TOPAZ1: variants seen among roughly 807,000 people sequenced by gnomAD.
TOPAZ1 encodes testis and ovary specific TOPAZ 1.
A neutral mutation model predicts 172.2 loss-of-function variants in TOPAZ1; 66 were observed. The observed-to-expected ratio is 0.38, with a 90% CI of 0.31 to 0.47. The LOEUF (loss-of-function observed/expected upper bound fraction) is 0.47, where lower values mean the gene tolerates loss of function less well. Ranked by LOEUF, TOPAZ1 falls within the 20% of genes least tolerant of loss-of-function variation. TOPAZ1 has a pLI of 0.99. For synonymous variants in TOPAZ1, 681 were observed against 683.9 expected, an observed-to-expected ratio of 1.00 and a Z score of 0.07; for missense variants, 1,822 against 1,972.4, an observed-to-expected ratio of 0.92 and a Z score of 1.44.
intron 15 of TOPAZ1, among the ~76,000 whole-genome samples, chr3:44,308,802 CTTTTTGAA>C (rs1318070001): frequency 6.6e-6 from 1 of 152,034 alleles, no homozygotes; most frequent in Non-Finnish European, 1.5e-5. Context: ...AAACCTATTC[CTTTTTGAA>C]TGTAAAAATA....
chr3:44,252,420 A>G (rs1429600692), intron 2 of TOPAZ1, among the ~76,000 whole-genome samples: 2 of 152,370 alleles, frequency 1.3e-5, no homozygotes, highest in African/African-American at 4.8e-5. Context: ...TCTGCCAGTA[A>G]CCGTTGAGAG....
At chr3:44,248,106 A>G (rs977492099) in intron 2 of TOPAZ1, among the ~76,000 whole-genome samples, 39 of 152,342 alleles carry the variant, frequency 2.6e-4, no homozygotes, top group African/African-American at 8.7e-4. Context: ...CTTAGTTTAC[A>G]TATTTCCCCC....
intron 8 of TOPAZ1, among the ~76,000 whole-genome samples, chr3:44,279,179 A>G (rs1012958757): frequency 7.2e-5 from 11 of 152,106 alleles, no homozygotes; most frequent in Non-Finnish European, 1.0e-4. Flanking sequence ...ATTTTATTGT[A>G]TCTGAGAAGA....
In TOPAZ1 at chr3:44,244,783, C is replaced by T. The variant is rs1471409950; in HGVS notation, c.2277C>T (p.Asp759=). The change falls in exon 2 of 20, where the codon GAC becomes GAT. Residue 759 remains aspartate, a synonymous_variant. Transcript: ENST00000309765. ...TAACTCCAGTGCAAGCTAGTTCTGACTCATTCTACAATAAGAAATCCTATA... is the reference window on the plus strand; with the variant it reads ...TAACTCCAGTGCAAGCTAGTTCTGATTCATTCTACAATAAGAAATCCTATA... ...NSVTPVQASS[D]SFYNKKSYSI... 7 of 1,551,454 alleles carry T rather than the reference C, an allele frequency of 4.5e-6. No individual in the cohort carries two copies. The highest frequency in any genetic ancestry group is 6.1e-6 in the Non-Finnish European group (7 of 1,146,976).
chr3:44,271,544 ATATC>A (rs1699899043), intron 8 of TOPAZ1, among the ~76,000 whole-genome samples: 1 of 152,132 alleles, frequency 6.6e-6, no homozygotes, highest in South Asian at 2.1e-4. Flanking sequence ...GTGTGTATGT[ATATC>A]TATATATATA....
chr3:44,293,062 C>A (rs1700155816), intron 12 of TOPAZ1, among the ~76,000 whole-genome samples: 1 of 152,062 alleles, frequency 6.6e-6, no homozygotes, highest in South Asian at 2.1e-4. Context: ...TATAATGGAG[C>A]TGAAAAATTC....
chr3:44,291,898 G>C (rs76220860), intron 12 of TOPAZ1, among the ~76,000 whole-genome samples: 1 of 151,990 alleles, frequency 6.6e-6, no homozygotes, highest in African/African-American at 2.4e-5. Context: ...TAATGCAGAG[G>C]TTCCCAAACT....
chr3:44,307,886 T>A (rs922344609), intron 15 of TOPAZ1, among the ~76,000 whole-genome samples: 1 of 152,154 alleles, frequency 6.6e-6, no homozygotes, highest in African/African-American at 2.4e-5. Flanking sequence ...GTGTTTGCTC[T>A]CACAATTGAG....
intron 2 of TOPAZ1, among the ~76,000 whole-genome samples, chr3:44,248,030 T>A (rs963672585): frequency 6.6e-6 from 1 of 152,250 alleles, no homozygotes; most frequent in African/African-American, 2.4e-5. Flanking sequence ...ACGATTACTG[T>A]GTTCCCTAAA....
At chr3:44,332,995 T>G (rs1196162158), downstream of TOPAZ1, among the ~76,000 whole-genome samples, 2 of 146,354 alleles carry the variant, frequency 1.4e-5, no homozygotes, top group African/African-American at 2.5e-5. Flanking sequence ...TTTTTGTGGT[T>G]TTTTTTTTTT....
Position 44,242,124 on chromosome 3 carries a change from A to AGCGGCAG in TOPAZ1, c.75_81dup (p.Pro28AlafsTer14), listed in dbSNP as rs1157087370. On this transcript the variant is annotated frameshift_variant, in exon 1 of 20. Coordinates refer to ENST00000309765, the MANE Select transcript of TOPAZ1 (RefSeq NM_001145030.2). LOFTEE classifies it high-confidence loss of function. ...GAAGGCAATGTGCGAAACCTGCAGAAGCGGCAGGCGCCAGGGCCAGGCGCG... is the reference window on the plus strand; with the variant it reads ...GAAGGCAATGTGCGAAACCTGCAGAAGCGGCAGGCGGCAGGCGCCAGGGCCAGGCGCG... 7 of 1,548,710 alleles carry AGCGGCAG rather than the reference A, an allele frequency of 4.5e-6. No individual in the cohort carries two copies. Among genetic ancestry groups the AGCGGCAG allele is most frequent in the African/African-American group, 4.1e-5 (3 of 72,970 alleles).
chr3:44,308,562 A>G (rs939480489), intron 15 of TOPAZ1, among the ~76,000 whole-genome samples: 6 of 151,952 alleles, frequency 3.9e-5, no homozygotes, highest in Non-Finnish European at 7.4e-5. Flanking sequence ...AGTCTTTGCT[A>G]TTGTGAATAG....
intron 8 of TOPAZ1, among the ~76,000 whole-genome samples, chr3:44,277,320 C>A (rs1269061334): frequency 1.3e-5 from 2 of 152,106 alleles, no homozygotes; most frequent in Non-Finnish European, 2.9e-5. Context: ...TATAGAAACA[C>A]TATTAATTTT....
chr3:44,316,927 C>T (rs1324226352), intron 16 of TOPAZ1, among the ~76,000 whole-genome samples: 3 of 151,956 alleles, frequency 2.0e-5, no homozygotes, highest in South Asian at 2.1e-4. Flanking sequence ...TATGCTAGCA[C>T]GATGCTCTTT....
chr3:44,331,994 C>A lies in TOPAZ1; in HGVS notation c.5062C>A (p.Leu1688Ile). ...ENMKWAGKVW[L>I]FSNH is the part of the protein sequence containing the mutation. Reference sequence around the variant, plus strand: ...TATGAAGTGGGCTGGAAAGGTTTGGCTTTTCAGTAACCATTAGCTAATAAA... The same window carrying A: ...TATGAAGTGGGCTGGAAAGGTTTGGATTTTCAGTAACCATTAGCTAATAAA... The change falls in exon 20 of 20, where the codon CTT becomes ATT. Residue 1688 changes from leucine (L) to isoleucine (I), a missense_variant. Leu to Ile is a conservative substitution (Grantham distance 5). This residue lies in a region of TOPAZ1 where 333 missense variants were observed against 481.7 expected (regional missense o/e 0.69). Transcript: ENST00000309765. The A allele has an allele frequency of 6.5e-7, 1 of 1,542,724 alleles. No homozygotes were observed. The highest frequency in any genetic ancestry group is 1.2e-5 in the South Asian group (1 of 83,224).
chr3:44,242,216 C>G lies in TOPAZ1; in HGVS notation c.163C>G (p.Arg55Gly), dbSNP rs1274073506. ...TAAGCAAAAGAGGAGAATGGTGGCC[C>G]GGGCCACCCCTGGGAGAGGCGAGGT... ...ENKQKRRMVA[R>G]ATPGRGEVES... Residue 55 changes from arginine (R) to glycine (G), a missense_variant, in exon 1 of 20, where the codon CGG becomes GGG. Physicochemically the swap from Arg to Gly is moderately radical, Grantham distance 125. This residue lies in a region of TOPAZ1 where 1,489 missense variants were observed against 1,490.8 expected (regional missense o/e 1.00). Coordinates refer to ENST00000309765, the MANE Select transcript of TOPAZ1 (RefSeq NM_001145030.2). 2 of 1,544,486 alleles carry G rather than the reference C, an allele frequency of 1.3e-6. No individual in the cohort carries two copies. Among genetic ancestry groups the G allele is most frequent in the South Asian group, 2.4e-5 (2 of 83,452 alleles).
Position 44,304,003 on chromosome 3 carries a change from CT to C in TOPAZ1, c.3798-8del. Reference sequence around the variant, plus strand: ...TGAATATAGTATAATTAACTCTTTTCTTTTGTTAAAGGTTACAGATGAGACG... The same window carrying C: ...TGAATATAGTATAATTAACTCTTTTCTTTGTTAAAGGTTACAGATGAGACG... On this transcript the variant is annotated splice_polypyrimidine_tract_variant and intron_variant, in intron 12 of 19. Coordinates refer to ENST00000309765, the MANE Select transcript of TOPAZ1 (RefSeq NM_001145030.2). 6.7e-7 allele frequency: 1 copy of C among 1,502,856 alleles called. No individual in the cohort carries two copies. The highest frequency in any genetic ancestry group is 9.0e-7 in the Non-Finnish European group (1 of 1,108,334). The allele number at this position is 1,502,856 out of a possible 1,614,324, so 93.1% of individuals were successfully genotyped here. A position where few individuals can be genotyped will look rare whatever the true frequency, so the allele number is the denominator to read the frequency against.
Position 44,243,505 on chromosome 3 carries a change from G to C in TOPAZ1, c.999G>C (p.Arg333Ser). The C allele has an allele frequency of 6.4e-7, 1 of 1,551,708 alleles. No homozygotes were observed. Among genetic ancestry groups the C allele is most frequent in the Non-Finnish European group, 8.7e-7 (1 of 1,146,962 alleles). Residue 333 changes from arginine (R) to serine (S), a missense_variant, in exon 2 of 20, where the codon AGG (arginine) becomes AGC (serine). Physicochemically the swap from Arg to Ser is moderately radical, Grantham distance 110. This residue lies in a region of TOPAZ1 where 1,489 missense variants were observed against 1,490.8 expected (regional missense o/e 1.00). Coordinates refer to ENST00000309765, the MANE Select transcript of TOPAZ1 (RefSeq NM_001145030.2). ...GTGTTGGGCGAAAACCCAGGAAAAG[G>C]ATGAAGTTGTCTGAAAAAGCAGATG... ...ESSVGRKPRK[R>S]MKLSEKADET...
intron 9 of TOPAZ1, 123 bp from the exon 10 acceptor site, chr3:44,287,266 C>T: frequency 1.9e-6 from 1 of 531,562 alleles, no homozygotes. Context: ...TAGAACTGTA[C>T]CTTTCAAGAA....
Sources: gnomAD v4.1 joint callset for allele counts (sites outside exome capture counted in the v4.1 genomes callset) on GRCh38, gnomAD v4.1.1 for gene constraint, gnomAD v4.1.1 regional missense constraint, MANE v1.5 for transcripts, NCBI Gene and HGNC (gene_info 2026-07-23, HGNC 2026-07-21) for gene names.